CORO2A: variants seen among roughly 807,000 people sequenced by gnomAD.
The protein encoded by CORO2A is coronin-2A.
Under a neutral mutation model 62.4 loss-of-function variants are expected in CORO2A, and 47 were observed. The ratio of observed to expected loss-of-function variants is 0.75; its 90% confidence interval spans 0.60 to 0.96. The LOEUF (loss-of-function observed/expected upper bound fraction) is 0.96, where lower values mean the gene tolerates loss of function less well. Among genes scored for constraint, CORO2A ranks in the 40% least tolerant of loss-of-function variants. The pLI is 0.00. For synonymous variants in CORO2A, 273 were observed against 268.9 expected, an observed-to-expected ratio of 1.02 and a Z score of -0.15; for missense variants, 610 against 684.1, an observed-to-expected ratio of 0.89 and a Z score of 1.21.
intron 2 of CORO2A, among the ~76,000 whole-genome samples, chr9:98,148,198 C>T (rs1827670259): frequency 6.6e-6 from 1 of 151,424 alleles, no homozygotes; most frequent in Non-Finnish European, 1.5e-5. Flanking sequence ...AGTTTGAGAC[C>T]AGCCTGGCCA....
At chr9:98,141,649 C>T (rs1480744880) in intron 2 of CORO2A, among the ~76,000 whole-genome samples, 1 of 152,200 alleles carries the variant, frequency 6.6e-6, no homozygotes, top group Non-Finnish European at 1.5e-5. Context: ...CCACTGCGCC[C>T]AGCTGCCAAT....
intron 1 of CORO2A, among the ~76,000 whole-genome samples, chr9:98,176,455 G>A (rs182831889): frequency 1.2e-4 from 18 of 152,116 alleles, no homozygotes; most frequent in Non-Finnish European, 2.4e-4. Flanking sequence ...GGACTTCCTC[G>A]CATCTACTGA....
intron 2 of CORO2A, among the ~76,000 whole-genome samples, chr9:98,144,052 A>AG (rs1203759403): frequency 1.3e-5 from 2 of 152,150 alleles, no homozygotes; most frequent in Non-Finnish European, 2.9e-5. Flanking sequence ...AGTCCGGTGT[A>AG]GGGATGCACA....
At chr9:98,182,753 G>A (rs756540186) in intron 1 of CORO2A, among the ~76,000 whole-genome samples, 7 of 152,220 alleles carry the variant, frequency 4.6e-5, no homozygotes, top group Non-Finnish European at 1.0e-4. Context: ...CGATGGTGAA[G>A]ATTCCATGAG....
intron 8 of CORO2A, 107 bp from the exon 9 acceptor site, chr9:98,128,826 C>G (rs761759905): frequency 1.3e-5 from 11 of 816,906 alleles, no homozygotes; most frequent in Non-Finnish European, 2.3e-5. Flanking sequence ...CAGTCTCCTC[C>G]CAGAAAACAG....
At chr9:98,179,968 A>C (rs1828156186) in intron 1 of CORO2A, among the ~76,000 whole-genome samples, 1 of 152,158 alleles carries the variant, frequency 6.6e-6, no homozygotes, top group Non-Finnish European at 1.5e-5. Flanking sequence ...ACGCCACTGC[A>C]CTCCAGCCTG....
At chr9:98,168,935 T>G (rs1827996575) in intron 1 of CORO2A, among the ~76,000 whole-genome samples, 1 of 152,130 alleles carries the variant, frequency 6.6e-6, no homozygotes. Flanking sequence ...AGTGCATTTG[T>G]GCATCTCTCC....
rs372047609 is a variant in CORO2A, at chr9:98,159,277, G to A, written c.1-1617C>T. 2.6e-5 allele frequency among the ~76,000 whole-genome samples: 4 copies of A among 152,006 alleles called. No individual in the cohort carries two copies. In the East Asian group the frequency reaches 7.7e-4, roughly 29 times the overall value. Reference sequence around the variant, plus strand: ...TTGCCCAGGCTGGTCTCAACCTCCTGATCTCAAGCAATTCTCCTGTAGCTG... The same window carrying A: ...TTGCCCAGGCTGGTCTCAACCTCCTAATCTCAAGCAATTCTCCTGTAGCTG... On this transcript the variant is annotated intron_variant, in intron 1 of 11. Coordinates refer to ENST00000375077, the MANE Select transcript of CORO2A (RefSeq NM_052820.4).
intron 7 of CORO2A, 124 bp downstream of exon 7, chr9:98,130,831 T>G (rs956494260): frequency 2.9e-5 from 22 of 745,782 alleles, no homozygotes; most frequent in African/African-American, 8.9e-5. Flanking sequence ...GGGTTCCTTC[T>G]CACAGGGAAA....
chr9:98,126,876 A>G, intron 10 of CORO2A, 53 bp from the exon 11 acceptor site: 1 of 1,595,256 alleles, frequency 6.3e-7, no homozygotes, highest in Non-Finnish European at 8.6e-7. Flanking sequence ...GAAGATGGGC[A>G]TATGGGGCAC....
At chr9:98,173,544 A>T (rs544350022) in intron 1 of CORO2A, among the ~76,000 whole-genome samples, 1 of 141,792 alleles carries the variant, frequency 7.1e-6, no homozygotes, top group South Asian at 2.3e-4. Flanking sequence ...TGCTTTCTTA[A>T]GTCTCTTCTC....
intron 2 of CORO2A, among the ~76,000 whole-genome samples, chr9:98,139,464 C>T (rs1303596064): frequency 6.6e-6 from 1 of 152,032 alleles, no homozygotes; most frequent in Non-Finnish European, 1.5e-5. Flanking sequence ...CCCACCTCTA[C>T]TAAAAATACA....
intron 5 of CORO2A, among the ~76,000 whole-genome samples, chr9:98,132,767 C>T (rs967223504): frequency 1.3e-5 from 2 of 152,186 alleles, no homozygotes; most frequent in African/African-American, 4.8e-5. Flanking sequence ...TGAGGCACGC[C>T]AACAAGCTTT....
intron 1 of CORO2A, among the ~76,000 whole-genome samples, chr9:98,181,922 T>C (rs1296919746): frequency 1.3e-5 from 2 of 152,206 alleles, no homozygotes; most frequent in Non-Finnish European, 2.9e-5. Context: ...ACAAGTCCTA[T>C]GGCCTCTCTG....
chr9:98,140,314 T>C (rs1381076912), intron 2 of CORO2A, among the ~76,000 whole-genome samples: 1 of 152,244 alleles, frequency 6.6e-6, no homozygotes, highest in Non-Finnish European at 1.5e-5. Flanking sequence ...AACATAGTCC[T>C]TGACTTTGCA....
chr9:98,158,965 A>AC (rs1226744345), intron 1 of CORO2A, among the ~76,000 whole-genome samples: 19 of 152,056 alleles, frequency 1.2e-4, no homozygotes, highest in Admixed American at 1.2e-3. Flanking sequence ...TCATGGCCAA[A>AC]CCCATACCCA....
intron 1 of CORO2A, among the ~76,000 whole-genome samples, chr9:98,167,047 T>C (rs7868004): frequency 0.1 from 14,891 of 144,950 alleles, 973 homozygotes; most frequent in East Asian, 0.31. Flanking sequence ...GAGGCTGCAG[T>C]AAGCTATGAT....
chr9:98,137,456 A>C (rs1827502119), intron 3 of CORO2A, 116 bp downstream of exon 3: 1 of 818,120 alleles, frequency 1.2e-6, no homozygotes, highest in Non-Finnish European at 2.1e-6. Context: ...CCACACAGTG[A>C]CCTCACCTCC....
intron 1 of CORO2A, chr9:98,172,485 A>C (rs1176599476): frequency 1.7e-4 from 9 of 52,502 alleles, no homozygotes; most frequent in Admixed American, 2.7e-4. Flanking sequence ...GAGACCCCAC[A>C]CCCCACTTCC....
Sources: gnomAD v4.1 joint callset for allele counts (sites outside exome capture counted in the v4.1 genomes callset) on GRCh38, gnomAD v4.1.1 for gene constraint, MANE v1.5 for transcripts, NCBI Gene and HGNC (gene_info 2026-07-23, HGNC 2026-07-21) for gene names.